CSPP1: variants seen among roughly 807,000 people sequenced by gnomAD.
CSPP1 encodes the protein centrosome and spindle pole associated protein 1, also known as centrosome and spindle pole-associated protein 1.
CSPP1 carries 126 observed loss-of-function variants against 164.4 expected under a neutral mutation model. The observed-to-expected ratio is 0.77, with a 90% CI of 0.66 to 0.89. CSPP1 has a LOEUF of 0.89. Among genes scored for constraint, CSPP1 ranks in the 40% least tolerant of loss-of-function variants. CSPP1 has a pLI of 0.00. For synonymous variants in CSPP1, 472 were observed against 476.7 expected (o/e 0.99, Z 0.13); for missense variants, 1,395 against 1,449.8 (o/e 0.96, Z 0.61).
At chr8:67,164,812 C>T (rs912027280) in intron 24 of CSPP1, among the ~76,000 whole-genome samples, 2 of 152,166 alleles carry the variant, frequency 1.3e-5, no homozygotes, top group African/African-American at 4.8e-5. Flanking sequence ...CACGTACGGG[C>T]TACCGAACAT....
intron 16 of CSPP1, chr8:67,134,224 T>A (rs1821787337): frequency 6.6e-6 from 1 of 152,240 alleles, no homozygotes; most frequent in African/African-American, 2.4e-5. Context: ...GAGGAATTAC[T>A]CTCTGTGGCA....
intron 17 of CSPP1, among the ~76,000 whole-genome samples, chr8:67,144,859 G>C (rs1824188511): frequency 6.6e-6 from 1 of 150,746 alleles, no homozygotes; most frequent in Non-Finnish European, 1.5e-5. Flanking sequence ...ACAAGGTCAA[G>C]AGATCGAGAC....
chr8:67,064,945 A>T, intron 1 of CSPP1: 1 of 159,670 alleles, frequency 6.3e-6, no homozygotes, highest in South Asian at 1.6e-4. Flanking sequence ...GGTGTTGTTG[A>T]TAGCTGGTTG....
chr8:67,082,373 C>G (rs897576548), intron 3 of CSPP1, among the ~76,000 whole-genome samples: 11 of 152,114 alleles, frequency 7.2e-5, no homozygotes, highest in Non-Finnish European at 1.6e-4. Context: ...TATCATTCCT[C>G]TTTGTCTTAG....
chr8:67,124,132 C>T (rs1055142195), intron 15 of CSPP1, among the ~76,000 whole-genome samples: 3 of 148,394 alleles, frequency 2.0e-5, no homozygotes, highest in Admixed American at 6.7e-5. Flanking sequence ...ATCTCCTGAC[C>T]TCATGATCCA....
At chr8:67,194,440 C>T (rs1837309483) in intron 30 of CSPP1, among the ~76,000 whole-genome samples, 1 of 152,092 alleles carries the variant, frequency 6.6e-6, no homozygotes, top group Non-Finnish European at 1.5e-5. Flanking sequence ...AAACACAAAG[C>T]AGACATGGTT....
chr8:67,181,139 G>A (rs932097959), intron 28 of CSPP1, among the ~76,000 whole-genome samples: 1 of 151,790 alleles, frequency 6.6e-6, no homozygotes, highest in Non-Finnish European at 1.5e-5. Context: ...CTGGACTCAA[G>A]TGCTCCTCCC....
chr8:67,099,830 A>C (rs1235714216), intron 7 of CSPP1, among the ~76,000 whole-genome samples: 3 of 152,206 alleles, frequency 2.0e-5, no homozygotes, highest in Non-Finnish European at 4.4e-5. Flanking sequence ...ATATTTTAAT[A>C]GAGAATAAGG....
chr8:67,161,350 T>C (rs903669406), intron 21 of CSPP1, among the ~76,000 whole-genome samples: 3 of 152,308 alleles, frequency 2.0e-5, no homozygotes, highest in African/African-American at 2.4e-5. Flanking sequence ...AACTGAAATA[T>C]AGAACCCCAT....
At chr8:67,169,782 T>G (rs755664945) in intron 24 of CSPP1, among the ~76,000 whole-genome samples, 1 of 152,042 alleles carries the variant, frequency 6.6e-6, no homozygotes, top group Non-Finnish European at 1.5e-5. Context: ...AGAGTCTCTT[T>G]CTGTCACCTA....
At chr8:67,183,264 G>A (rs902503658) in intron 28 of CSPP1, among the ~76,000 whole-genome samples, 1 of 152,206 alleles carries the variant, frequency 6.6e-6, no homozygotes, top group Non-Finnish European at 1.5e-5. Flanking sequence ...CAGTAAGGAC[G>A]TAGTTGAGTT....
At chr8:67,076,779 A>G (rs963553724) in intron 3 of CSPP1, among the ~76,000 whole-genome samples, 198 bp downstream of exon 3, 6 of 152,236 alleles carry the variant, frequency 3.9e-5, no homozygotes, top group African/African-American at 1.4e-4. Flanking sequence ...GTGATACTGC[A>G]TTGGTTATGA....
chr8:67,184,804 C>T lies in CSPP1; in HGVS notation c.3220+4878C>T, dbSNP rs558213342. Among the ~76,000 whole-genome samples the T allele has an allele frequency of 7.5e-5, 11 of 146,190 alleles. No homozygotes were observed. The East Asian group carries it at 2.2e-3, about 29-fold the overall frequency. On this transcript the variant is annotated intron_variant, in intron 28 of 30. Transcript: ENST00000678616. The stretch of plus-strand genomic sequence containing the variant: ...GGCATATCACTACAGGTCCCATGAA[C>T]GTTAAAAACAGTCGGCCGGGCACGG...
chr8:67,195,817 CAT>C lies in CSPP1; in HGVS notation c.*226_*227del. The C allele has an allele frequency of 4.0e-6, 2 of 494,612 alleles. No individual in the cohort carries two copies. Among genetic ancestry groups the C allele is most frequent in the Non-Finnish European group, 7.2e-6 (2 of 276,052 alleles). The allele number at this position is 494,612 out of a possible 1,614,324, so 30.6% of individuals were successfully genotyped here. ...ATAGATTATTTTTGCACAGTTTTGT[CAT>C]AAATTAGGGTGGTAATGAACTGGAT... On this transcript the variant is annotated 3_prime_UTR_variant, in exon 31 of 31. Transcript: ENST00000678616.
intron 15 of CSPP1, among the ~76,000 whole-genome samples, chr8:67,123,342 G>A (rs1287100589): frequency 3.3e-5 from 5 of 152,044 alleles, no homozygotes; most frequent in Admixed American, 6.5e-5. Flanking sequence ...AGATTCTTCT[G>A]TGTCTCTGCT....
chr8:67,098,961 CTT>C lies in CSPP1; in HGVS notation c.923+3241_923+3242del, dbSNP rs1262842719. On this transcript the variant is annotated intron_variant, in intron 7 of 30. Transcript: ENST00000678616. ...ACATCTCAGAGTGTTTCATTAGCTT[CTT>C]TTTTTTTTTTTAAAGATTAACATGT... 5.7e-5 allele frequency among the ~76,000 whole-genome samples: 8 copies of C among 140,766 alleles called. No individual in the cohort carries two copies. The South Asian group carries it at 6.8e-4, about 12-fold the overall frequency. 92.3% of individuals were successfully genotyped at this position (140,766 alleles called of 152,430 possible).
At chr8:67,172,811 C>G (rs1830729154) in intron 25 of CSPP1, 2 of 302,862 alleles carry the variant, frequency 6.6e-6, no homozygotes, top group South Asian at 2.1e-4. Context: ...ATCGCATAGA[C>G]TAGTACGAAG....
intron 11 of CSPP1, 82 bp downstream of exon 11, chr8:67,113,944 T>C (rs1009977011): frequency 3.8e-6 from 3 of 796,038 alleles, no homozygotes; most frequent in Non-Finnish European, 6.3e-6. Flanking sequence ...ATAGAGAATA[T>C]TGGGAGAAAA....
intron 6 of CSPP1, among the ~76,000 whole-genome samples, chr8:67,094,119 G>GGA (rs1812198928): frequency 6.8e-5 from 2 of 29,444 alleles, no homozygotes; most frequent in Non-Finnish European, 1.1e-4. Context: ...GACCTGGTCT[G>GGA]AAAAAAAAAA....
Sources: gnomAD v4.1 joint callset for allele counts (sites outside exome capture counted in the v4.1 genomes callset) on GRCh38, gnomAD v4.1.1 for gene constraint, MANE v1.5 for transcripts, NCBI Gene and HGNC (gene_info 2026-07-23, HGNC 2026-07-21) for gene names.